TASP1: variants seen among roughly 807,000 people sequenced by gnomAD.
The protein encoded by TASP1 is threonine aspartase 1.
Under a neutral mutation model 56.6 loss-of-function variants are expected in TASP1, and 16 were observed. That is an observed-to-expected ratio of 0.28 (90% CI 0.19 to 0.43). The LOEUF (loss-of-function observed/expected upper bound fraction) is 0.43, where lower values mean the gene tolerates loss of function less well. TASP1 is among the 20% of genes least tolerant of loss of function. The probability of loss-of-function intolerance (pLI) is 1.00; values close to 1 mark genes in which losing one functional copy is unlikely to be tolerated. For missense variants in TASP1, 393 were observed against 511.6 expected (o/e 0.77, Z 2.24); for synonymous variants, 179 against 184.2 (o/e 0.97, Z 0.23).
the TASP1 span, among the ~76,000 whole-genome samples, chr20:13,259,195 C>T: frequency 6.6e-6 from 1 of 151,716 alleles, no homozygotes; most frequent in Admixed American, 6.6e-5. Context: ...GCAGGAGAAT[C>T]GCTTGAACCC....
At chr20:13,599,078 T>C (rs1009690935) in intron 4 of TASP1, among the ~76,000 whole-genome samples, 2 of 152,124 alleles carry the variant, frequency 1.3e-5, no homozygotes, top group African/African-American at 4.8e-5. Flanking sequence ...ACACTGTTGG[T>C]GGGAGTGTAA....
chr20:13,396,837 T>C (rs1297081172), intron 13 of TASP1, among the ~76,000 whole-genome samples: 1 of 152,226 alleles, frequency 6.6e-6, no homozygotes, highest in Non-Finnish European at 1.5e-5. Context: ...TAAATTTCAT[T>C]GTTAGCACTG....
chr20:13,131,532 T>C, the TASP1 span, among the ~76,000 whole-genome samples: 1 of 152,230 alleles, frequency 6.6e-6, no homozygotes, highest in African/African-American at 2.4e-5. Flanking sequence ...TTCCCTTACT[T>C]CTGCAAATTT....
chr20:13,351,440 GA>G, the TASP1 span, among the ~76,000 whole-genome samples: 1 of 152,212 alleles, frequency 6.6e-6, no homozygotes, highest in Admixed American at 6.5e-5. Context: ...ATCCTTCAGT[GA>G]GTGAATTTGG....
chr20:13,399,354 T>C (rs2041655357), intron 13 of TASP1, among the ~76,000 whole-genome samples: 1 of 152,206 alleles, frequency 6.6e-6, no homozygotes, highest in African/African-American at 2.4e-5. Flanking sequence ...CAGACACACA[T>C]ATCCAGCTAC....
chr20:13,540,378 A>T (rs566853569), intron 8 of TASP1, among the ~76,000 whole-genome samples: 16 of 152,344 alleles, frequency 1.1e-4, no homozygotes, highest in African/African-American at 2.9e-4. Flanking sequence ...TGACCCAACA[A>T]TGAAATTCTT....
intron 7 of TASP1, among the ~76,000 whole-genome samples, chr20:13,565,187 C>T (rs2046484072): frequency 6.6e-6 from 1 of 151,982 alleles, no homozygotes; most frequent in African/African-American, 2.4e-5. Context: ...ATTAGACAAC[C>T]ACATGCAAAG....
chr20:13,123,578 C>T, the TASP1 span, among the ~76,000 whole-genome samples: 1 of 152,158 alleles, frequency 6.6e-6, no homozygotes, highest in African/African-American at 2.4e-5. Flanking sequence ...TCAGAGGCTG[C>T]ACTGTAACTC....
chr20:13,414,020 A>G (rs2042174309), intron 13 of TASP1, among the ~76,000 whole-genome samples: 1 of 152,220 alleles, frequency 6.6e-6, no homozygotes, highest in Non-Finnish European at 1.5e-5. Flanking sequence ...ACTTTTTACT[A>G]ACCATATTCC....
chr20:13,299,469 G>A, the TASP1 span: 1 of 1,584,972 alleles, frequency 6.3e-7, no homozygotes, highest in South Asian at 1.1e-5. The surrounding 1 kb of genome is among the most constrained non-coding windows in gnomAD (Gnocchi z 5.8). Context: ...AAGAGACTGG[G>A]ATGAGGTGGA....
At chr20:13,337,005 G>C in the TASP1 span, among the ~76,000 whole-genome samples, 1 of 152,204 alleles carries the variant, frequency 6.6e-6, no homozygotes, top group East Asian at 1.9e-4. Context: ...AGGACTAGAT[G>C]TTTCCAAGGG....
intron 8 of TASP1, among the ~76,000 whole-genome samples, chr20:13,540,911 T>C (rs2045597127): frequency 6.6e-6 from 1 of 150,704 alleles, no homozygotes; most frequent in Non-Finnish European, 1.5e-5. Flanking sequence ...CAATGTACTA[T>C]CTTAAAAAAC....
chr20:13,306,564 C>CAAAAAAAAAAAAAAAAAAAAAAAAAAA, the TASP1 span, among the ~76,000 whole-genome samples: 7 of 63,906 alleles, frequency 1.1e-4, no homozygotes, highest in Admixed American at 2.2e-4. Context: ...GGAGAAAGGA[C>CAAAAAAAAAAAAAAAAAAAAAAAAAAA]AAAAAAAAAA....
At chr20:13,110,632 C>A in the TASP1 span, among the ~76,000 whole-genome samples, 3 of 152,132 alleles carry the variant, frequency 2.0e-5, no homozygotes, top group East Asian at 5.8e-4. Flanking sequence ...GCACGCCCAA[C>A]CCCCAGCTGC....
At chr20:13,335,786 G>A in the TASP1 span, among the ~76,000 whole-genome samples, 1 of 151,932 alleles carries the variant, frequency 6.6e-6, no homozygotes, top group South Asian at 2.1e-4. Context: ...CCAGAGAGAA[G>A]AGGCAAACAG....
At chr20:13,122,635 G>A in the TASP1 span, among the ~76,000 whole-genome samples, 6 of 152,210 alleles carry the variant, frequency 3.9e-5, no homozygotes, top group Non-Finnish European at 7.3e-5. Context: ...CTACCTTAAA[G>A]AGTTATTGTG....
At chr20:13,247,291 G>C in the TASP1 span, among the ~76,000 whole-genome samples, 9 of 152,144 alleles carry the variant, frequency 5.9e-5, no homozygotes, top group East Asian at 1.5e-3. Flanking sequence ...GCAATTTCTT[G>C]TTCTTCTGTG....
At chr20:13,123,102 C>T in the TASP1 span, among the ~76,000 whole-genome samples, 5 of 151,990 alleles carry the variant, frequency 3.3e-5, no homozygotes, top group East Asian at 1.9e-4. Flanking sequence ...AGGCCAAGGC[C>T]GGCGGATTAC....
chr20:13,298,398 A>T, the TASP1 span, among the ~76,000 whole-genome samples: 2 of 152,190 alleles, frequency 1.3e-5, no homozygotes, highest in Non-Finnish European at 2.9e-5. Flanking sequence ...TTACAGGCAT[A>T]TGCCACCGTG....
Sources: allele counts gnomAD v4.1 joint callset (sites outside exome capture counted in the v4.1 genomes callset), GRCh38; gene constraint gnomAD v4.1.1; non-coding constraint Gnocchi (gnomAD v3.1); transcripts MANE v1.5; gene names NCBI Gene and HGNC (gene_info 2026-07-23, HGNC 2026-07-21).